Variants in RNF217 observed in about 807,000 individuals in gnomAD.
The protein encoded by RNF217 is ring finger protein 217.
Under a neutral mutation model 57.8 loss-of-function variants are expected in RNF217, and 31 were observed. The observed-to-expected ratio is 0.54, with a 90% CI of 0.40 to 0.72. The LOEUF (loss-of-function observed/expected upper bound fraction) is 0.72. Ranked by LOEUF, RNF217 falls within the 30% of genes least tolerant of loss-of-function variation. The pLI is 0.00. For missense variants in RNF217, 696 were observed against 708.3 expected (o/e 0.98, Z 0.20); for synonymous variants, 313 against 294.0 (o/e 1.06, Z -0.66).
chr6:124,970,855 G>C (rs1163524916), intron 1 of RNF217, among the ~76,000 whole-genome samples: 4 of 152,234 alleles, frequency 2.6e-5, no homozygotes, highest in African/African-American at 9.6e-5. Context: ...GCCAAAGACA[G>C]TGTTTTAAAA....
chr6:124,970,181 C>CT (rs1783710480), intron 1 of RNF217, among the ~76,000 whole-genome samples: 1 of 152,114 alleles, frequency 6.6e-6, no homozygotes, highest in African/African-American at 2.4e-5. Context: ...GAGCAACAGA[C>CT]TAACCAGATA....
intron 1 of RNF217, 71 bp downstream of exon 1, chr6:124,963,497 G>C (rs766488622): frequency 7.0e-7 from 1 of 1,419,966 alleles, no homozygotes; most frequent in African/African-American, 1.4e-5. Context: ...CTCTCGATCT[G>C]ATCTCCCTGC....
chr6:125,008,768 T>C (rs2114339821), intron 1 of RNF217: 1 of 147,972 alleles, frequency 6.8e-6, no homozygotes, highest in South Asian at 2.2e-4. Flanking sequence ...ACCCTGTAGG[T>C]TTCCTTCTCT....
At chr6:125,027,184 A>G (rs545112821) in intron 1 of RNF217, among the ~76,000 whole-genome samples, 1 of 152,272 alleles carries the variant, frequency 6.6e-6, no homozygotes, top group Admixed American at 6.5e-5. Context: ...TTATTTTAAA[A>G]TACACAATTA....
At chr6:124,966,707 A>T (rs767949098) in intron 1 of RNF217, among the ~76,000 whole-genome samples, 1 of 152,216 alleles carries the variant, frequency 6.6e-6, no homozygotes, top group Non-Finnish European at 1.5e-5. Context: ...ATATTTTTGT[A>T]AAAGGAGATG....
At chr6:125,077,860 T>C (rs1018949721) in intron 4 of RNF217, among the ~76,000 whole-genome samples, 4 of 152,184 alleles carry the variant, frequency 2.6e-5, no homozygotes, top group Non-Finnish European at 5.9e-5. Flanking sequence ...CTTGGTCACT[T>C]CATGACTGTT....
intron 4 of RNF217, among the ~76,000 whole-genome samples, chr6:125,079,138 C>T (rs1290865386): frequency 6.6e-6 from 1 of 152,020 alleles, no homozygotes. Flanking sequence ...ACGTGCTCAG[C>T]TAGAGATCAG....
chr6:125,047,223 AT>A (rs535517902), intron 2 of RNF217, among the ~76,000 whole-genome samples: 27 of 152,218 alleles, frequency 1.8e-4, no homozygotes, highest in Admixed American at 1.2e-3. Context: ...TAATTAAAAC[AT>A]GTACAAAATT....
chr6:125,006,361 A>G (rs1353585871), intron 1 of RNF217, among the ~76,000 whole-genome samples: 1 of 152,236 alleles, frequency 6.6e-6, no homozygotes, highest in Non-Finnish European at 1.5e-5. Flanking sequence ...CCACAGGGCT[A>G]TAGAAAAGTT....
At chr6:125,019,753 A>G (rs915601418) in intron 1 of RNF217, among the ~76,000 whole-genome samples, 3 of 149,884 alleles carry the variant, frequency 2.0e-5, no homozygotes, top group Admixed American at 1.3e-4. Flanking sequence ...TAGGCCTGCT[A>G]CATTTCTCCA....
At chr6:124,978,222 T>G (rs1156566717) in intron 1 of RNF217, among the ~76,000 whole-genome samples, 1 of 152,102 alleles carries the variant, frequency 6.6e-6, no homozygotes, top group East Asian at 1.9e-4. Flanking sequence ...GGATTCCTTC[T>G]GTGCTGCTTC....
intron 3 of RNF217, among the ~76,000 whole-genome samples, chr6:125,072,824 C>T (rs1274385907): frequency 1.4e-5 from 2 of 146,864 alleles, no homozygotes; most frequent in Admixed American, 6.7e-5. Context: ...TTAAGTTCAT[C>T]ATAAGAGGCT....
chr6:125,073,578 A>G (rs538585543), intron 3 of RNF217, among the ~76,000 whole-genome samples: 23 of 152,316 alleles, frequency 1.5e-4, no homozygotes, highest in African/African-American at 5.5e-4. Flanking sequence ...CCATAGCAAG[A>G]AACATGAGTT....
At chr6:124,975,720 A>G (rs1391041659) in intron 1 of RNF217, among the ~76,000 whole-genome samples, 1 of 151,968 alleles carries the variant, frequency 6.6e-6, no homozygotes, top group Non-Finnish European at 1.5e-5. Flanking sequence ...TACAAGTGTG[A>G]GCCACTGCAA....
intron 1 of RNF217, among the ~76,000 whole-genome samples, chr6:125,002,297 C>T (rs967513588): frequency 6.6e-6 from 1 of 152,144 alleles, no homozygotes; most frequent in Non-Finnish European, 1.5e-5. Flanking sequence ...TGTGCCCATT[C>T]GTGGATTAAG....
intron 2 of RNF217, among the ~76,000 whole-genome samples, chr6:125,050,219 A>G (rs546712824): frequency 1.3e-5 from 2 of 152,050 alleles, no homozygotes; most frequent in African/African-American, 2.4e-5. Flanking sequence ...CGATTTGGAG[A>G]AAGAGTTGAA....
chr6:125,050,873 C>G (rs1292715533), intron 2 of RNF217, among the ~76,000 whole-genome samples: 1 of 151,724 alleles, frequency 6.6e-6, no homozygotes, highest in Non-Finnish European at 1.5e-5. Flanking sequence ...AGTGTAGTTT[C>G]TTAAATGGTT....
At chr6:125,057,412 C>T (rs1456356762) in intron 2 of RNF217, among the ~76,000 whole-genome samples, 1 of 152,116 alleles carries the variant, frequency 6.6e-6, no homozygotes, top group Non-Finnish European at 1.5e-5. Context: ...TAACTCCTGA[C>T]CTCAAGTGAT....
chr6:124,984,181 G>C (rs118106888), intron 1 of RNF217, among the ~76,000 whole-genome samples: 1,554 of 152,260 alleles, frequency 0.01, 13 homozygotes, highest in Non-Finnish European at 0.015. Context: ...TACTGGAACA[G>C]AGAAAAGTGC....
Sources: allele counts gnomAD v4.1 joint callset (sites outside exome capture counted in the v4.1 genomes callset), GRCh38; gene constraint gnomAD v4.1.1; transcripts MANE v1.5; gene names NCBI Gene and HGNC (gene_info 2026-07-23, HGNC 2026-07-21).